The following IL12RB2 variants were observed in gnomAD, a reference collection of about 807,000 sequenced individuals.
IL12RB2 encodes the protein interleukin-12 receptor subunit beta-2.
In IL12RB2, 82 loss-of-function variants were observed where a neutral mutation model predicts 89.4. That is an observed-to-expected ratio of 0.92 (90% CI 0.77 to 1.10). The LOEUF is 1.10. IL12RB2 is among the 50% of genes least tolerant of loss of function. The probability of loss-of-function intolerance (pLI) is 0.00; values close to 1 mark genes in which losing one functional copy is unlikely to be tolerated. For synonymous variants in IL12RB2, 368 were observed against 370.1 expected (o/e 0.99, Z 0.07); for missense variants, 963 against 1,031.9 (o/e 0.93, Z 0.92).
chr1:67,313,033 G>A (rs1462908204), intron 1 of IL12RB2, among the ~76,000 whole-genome samples: 3 of 152,268 alleles, frequency 2.0e-5, no homozygotes, highest in Non-Finnish European at 4.4e-5. Flanking sequence ...GTTTGATGAT[G>A]GGGCCTGATA....
At chr1:67,386,102 G>A (rs914943399) in intron 14 of IL12RB2, among the ~76,000 whole-genome samples, 2 of 151,534 alleles carry the variant, frequency 1.3e-5, no homozygotes, top group Admixed American at 6.6e-5. Flanking sequence ...CCAGCTGCTC[G>A]GGAGGCTGAG....
At chr1:67,321,028 C>T (rs1320197131) in intron 3 of IL12RB2, among the ~76,000 whole-genome samples, 4 of 151,032 alleles carry the variant, frequency 2.6e-5, no homozygotes, top group Non-Finnish European at 5.9e-5. Context: ...TTGTTCAGCA[C>T]GTTTTTCTTC....
In IL12RB2 at chr1:67,338,708, G is replaced by C; in HGVS notation, c.1038+5G>C. On this transcript the variant is annotated splice_donor_5th_base_variant and intron_variant, in intron 9 of 16. Coordinates refer to ENST00000674203, the MANE Select transcript of IL12RB2 (RefSeq NM_001374259.2). Reference sequence around the variant, plus strand: ...CAGATTTCTCTTTTCTGGAAGGTGAGTTTTAAGCGTCAACTTAAAACTCAA... The same window carrying C: ...CAGATTTCTCTTTTCTGGAAGGTGACTTTTAAGCGTCAACTTAAAACTCAA... The C allele has an allele frequency of 7.1e-7, 1 of 1,405,128 alleles. No homozygotes were observed. Among genetic ancestry groups the C allele is most frequent in the Non-Finnish European group, 1.0e-6 (1 of 989,122 alleles). 87.0% of individuals were successfully genotyped at this position (1,405,128 alleles called of 1,614,324 possible).
intron 13 of IL12RB2, among the ~76,000 whole-genome samples, chr1:67,378,154 CT>C (rs536650099): frequency 1.3e-3 from 204 of 151,622 alleles, no homozygotes; most frequent in Admixed American, 2.5e-3. Flanking sequence ...CAACAAAAAC[CT>C]ATTGAAATTT....
At position 67,395,726 on chromosome 1, in the gene IL12RB2, C is replaced by T; in HGVS notation, c.2226C>T (p.Asp742=). Residue 742 remains aspartate, a synonymous_variant, in exon 17 of 17, where the codon GAC becomes GAT. Coordinates refer to ENST00000674203, the MANE Select transcript of IL12RB2 (RefSeq NM_001374259.2). ...GIQGHQASEK[D]MMHSASSPPP... Reference sequence around the variant, plus strand: ...AAGGTCATCAGGCCTCTGAGAAAGACATGATGCACAGTGCCTCAAGCCCAC... The same window carrying T: ...AAGGTCATCAGGCCTCTGAGAAAGATATGATGCACAGTGCCTCAAGCCCAC... The T allele has an allele frequency of 6.2e-7, 1 of 1,614,134 alleles. No individual in the cohort carries two copies. The highest frequency in any genetic ancestry group is 8.5e-7 in the Non-Finnish European group (1 of 1,179,962).
Position 67,338,650 on chromosome 1 carries a change from T to A in IL12RB2, c.985T>A (p.Tyr329Asn). Residue 329 changes from tyrosine to asparagine, a missense_variant, in exon 9 of 17, where the codon TAC becomes AAC. Coordinates refer to ENST00000674203, the MANE Select transcript of IL12RB2 (RefSeq NM_001374259.2). Reference sequence around the variant, plus strand: ...GCCTACTGGGATGTTAGATGTCTGGTACATGAAACGGCACATTGACTACAG... The same window carrying A: ...GCCTACTGGGATGTTAGATGTCTGGAACATGAAACGGCACATTGACTACAG... ...EEPTGMLDVW[Y>N]MKRHIDYSRQ... 1 of 1,544,934 alleles carries A rather than the reference T, an allele frequency of 6.5e-7. No homozygotes were observed. The highest frequency in any genetic ancestry group is 9.0e-7 in the Non-Finnish European group (1 of 1,116,686).
At chr1:67,360,572 G>A (rs574186718) in intron 10 of IL12RB2, among the ~76,000 whole-genome samples, 1 of 152,124 alleles carries the variant, frequency 6.6e-6, no homozygotes, top group East Asian at 1.9e-4. Context: ...AAGGCAGGCA[G>A]ATCACTTGAG....
intron 9 of IL12RB2, among the ~76,000 whole-genome samples, chr1:67,341,545 AAG>A (rs201343522): frequency 2.2e-5 from 1 of 44,858 alleles, no homozygotes; most frequent in African/African-American, 4.1e-5. Context: ...GAAAGAAAGA[AAG>A]AAAGAAAGAA....
In IL12RB2 at chr1:67,355,791, GGGAGAA is replaced by G. The variant is rs539654287; in HGVS notation, c.1258+4705_1258+4710del. On this transcript the variant is annotated intron_variant, in intron 10 of 16. Coordinates refer to ENST00000674203, the MANE Select transcript of IL12RB2 (RefSeq NM_001374259.2). ...AAAGGAATAATTTTGAAAGGTGACA[GGGAGAA>G]GGTGAGTTGTTAGCAGACTTTTGAA... 4.0e-4 allele frequency among the ~76,000 whole-genome samples: 61 copies of G among 152,346 alleles called. 1 individual carries two copies. In the South Asian group the frequency reaches 0.012, roughly 31 times the overall value.
At chr1:67,337,462 C>T (rs1393742988) in intron 8 of IL12RB2, among the ~76,000 whole-genome samples, 1 of 152,186 alleles carries the variant, frequency 6.6e-6, no homozygotes, top group Non-Finnish European at 1.5e-5. Context: ...AACTCATGCA[C>T]ACACACACTC....
chr1:67,395,921 C>A lies in IL12RB2; in HGVS notation c.2421C>A (p.Asp807Glu), dbSNP rs768854451. 1.9e-6 allele frequency: 3 copies of A among 1,611,128 alleles called. No homozygotes were observed. Among genetic ancestry groups the A allele is most frequent in the African/African-American group, 2.7e-5 (2 of 74,862 alleles). The change falls in exon 17 of 17, where the codon GAC (aspartate) becomes GAA (glutamate). Residue 807 changes from aspartate (D) to glutamate (E), a missense_variant. Asp to Glu is a conservative substitution (Grantham distance 45). Coordinates refer to ENST00000674203, the MANE Select transcript of IL12RB2 (RefSeq NM_001374259.2). ...HDGYLPSNID[D>E]LPSHEAPLAD... is the part of the protein sequence containing the mutation. ...GCTACTTACCCTCCAACATAGATGA[C>A]CTCCCCTCACATGAGGCACCTCTCG...
intron 9 of IL12RB2, among the ~76,000 whole-genome samples, chr1:67,346,351 T>C (rs1489926353): frequency 1.3e-5 from 2 of 151,082 alleles, no homozygotes; most frequent in Non-Finnish European, 2.9e-5. Flanking sequence ...TGGAGTGTTT[T>C]CTAAAATGTC....
intron 16 of IL12RB2, among the ~76,000 whole-genome samples, chr1:67,391,356 AGTGTGTGT>A (rs148773328): frequency 1.1e-4 from 16 of 140,554 alleles, no homozygotes; most frequent in East Asian, 2.1e-4. Flanking sequence ...TAATAACAGC[AGTGTGTGT>A]GTGTGTGTGT....
intron 5 of IL12RB2, among the ~76,000 whole-genome samples, chr1:67,327,779 G>A (rs775760173): frequency 5.5e-4 from 84 of 152,270 alleles, no homozygotes; most frequent in Non-Finnish European, 9.8e-4. Context: ...CTATTGACAC[G>A]CGGGTCTCAG....
chr1:67,313,741 G>A (rs1018115314), intron 1 of IL12RB2, among the ~76,000 whole-genome samples, 172 bp from the exon 2 acceptor site: 3 of 152,122 alleles, frequency 2.0e-5, no homozygotes, highest in South Asian at 2.1e-4. Context: ...CAAGAGAATC[G>A]CTTGAACCCA....
At chr1:67,332,503 T>A (rs928862902) in intron 8 of IL12RB2, among the ~76,000 whole-genome samples, 1 of 152,200 alleles carries the variant, frequency 6.6e-6, no homozygotes, top group African/African-American at 2.4e-5. Context: ...GAATATATTT[T>A]AAAAATTGTC....
rs1385244114 is a variant in IL12RB2 at position 67,330,795 on chromosome 1, C to T, written c.943C>T (p.Gln315Ter). Residue 315 changes from glutamine to a stop codon, truncating the protein, a stop_gained, in exon 8 of 17, where the codon CAA (glutamine) becomes TAA (stop). Transcript: ENST00000674203. LOFTEE classifies it high-confidence loss of function. ...TGATTGGAGTGAATCATTGAGAGCA[C>T]AAACACCAGAAGAAGGTATATGTCC... is the stretch of plus-strand genomic sequence containing the variant. ...WSDWSESLRA[Q>*]TPEEEPTGML... 6.4e-7 allele frequency: 1 copy of T among 1,571,152 alleles called. No homozygotes were observed. Among genetic ancestry groups the T allele is most frequent in the African/African-American group, 1.4e-5 (1 of 74,028 alleles).
intron 4 of IL12RB2, among the ~76,000 whole-genome samples, chr1:67,322,824 A>G (rs1215403851): frequency 6.6e-6 from 1 of 152,234 alleles, no homozygotes; most frequent in East Asian, 1.9e-4. Flanking sequence ...CATGAGCCAC[A>G]GTGCACAGGA....
At chr1:67,319,936 T>C (rs761611570) in intron 2 of IL12RB2, among the ~76,000 whole-genome samples, 1 of 152,132 alleles carries the variant, frequency 6.6e-6, no homozygotes, top group African/African-American at 2.4e-5. Context: ...GAAGGCCCCA[T>C]CTATGAACCG....
Sources: allele counts gnomAD v4.1 joint callset (sites outside exome capture counted in the v4.1 genomes callset), GRCh38; gene constraint gnomAD v4.1.1; transcripts MANE v1.5; gene names NCBI Gene and HGNC (gene_info 2026-07-23, HGNC 2026-07-21).